GAPVD1: variants seen among roughly 807,000 people sequenced by gnomAD.
GAPVD1 encodes the protein GTPase-activating protein and VPS9 domain-containing protein 1.
GAPVD1 carries 35 observed loss-of-function variants against 155.5 expected under a neutral mutation model. The observed-to-expected ratio is 0.23, with a 90% confidence interval of 0.17 to 0.30. The LOEUF is 0.30. GAPVD1 is among the 10% of genes least tolerant of loss of function. The pLI is 1.00. For synonymous variants in GAPVD1, 636 were observed against 619.7 expected (o/e 1.03, Z -0.39); for missense variants, 1,429 against 1,775.7 (o/e 0.80, Z 3.51).
chr9:125,300,512 T>A lies in GAPVD1; in HGVS notation c.185+1406T>A, dbSNP rs1840698516. On this transcript the variant is annotated intron_variant, in intron 4 of 27. Coordinates refer to ENST00000297933, the MANE Select transcript of GAPVD1 (RefSeq NM_001282680.3). ...TTTTTAACTCTAAGAATATCAGTGC[T>A]GTTGAGAATATAAGCCAGATGCAAA... is the stretch of plus-strand genomic sequence containing the variant. Among the ~76,000 whole-genome samples the A allele has an allele frequency of 1.3e-5, 2 of 151,962 alleles. 1 individual carries two copies. Among genetic ancestry groups the A allele is most frequent in the South Asian group, 4.2e-4 (2 of 4,818 alleles).
chr9:125,350,247 G>T, intron 21 of GAPVD1, 48 bp from the exon 22 acceptor site: 1 of 1,049,088 alleles, frequency 9.5e-7, no homozygotes, highest in South Asian at 1.4e-5. Context: ...TGTAAAATGT[G>T]ACCATATCTG....
At chr9:125,306,751 C>T (rs1351644184) in intron 6 of GAPVD1, among the ~76,000 whole-genome samples, 3 of 152,200 alleles carry the variant, frequency 2.0e-5, no homozygotes, top group African/African-American at 7.2e-5. Context: ...CCTTGGCCTC[C>T]CAAAGTGCTG....
chr9:125,302,268 T>C lies in GAPVD1; in HGVS notation c.471T>C (p.Ile157=). The C allele has an allele frequency of 6.2e-7, 1 of 1,614,162 alleles. No homozygotes were observed. Among genetic ancestry groups the C allele is most frequent in the South Asian group, 1.1e-5 (1 of 91,082 alleles). The change falls in exon 5 of 28, where the codon ATT becomes ATC. Residue 157 remains isoleucine, a synonymous_variant. Transcript: ENST00000297933. ...SYLLQVLRYL[I]EFELKESDNP... ...TCCTTCAGGTTTTGCGATACTTGAT[T>C]GAATTTGAACTTAAAGAAAGTGACA...
chr9:125,332,411 C>T, intron 14 of GAPVD1, 99 bp from the exon 15 acceptor site: 1 of 984,096 alleles, frequency 1.0e-6, no homozygotes, highest in Non-Finnish European at 1.5e-6. Context: ...AACTGGGACA[C>T]AAAATTCGAG....
In GAPVD1 at chr9:125,324,924, C is replaced by T. The variant is rs183591687; in HGVS notation, c.1858+1001C>T. 3.3e-5 allele frequency among the ~76,000 whole-genome samples: 5 copies of T among 151,962 alleles called. No individual in the cohort carries two copies. The East Asian group carries it at 7.8e-4, about 24-fold the overall frequency. On this transcript the variant is annotated intron_variant, in intron 11 of 27. Transcript: ENST00000297933. ...GTTGAAAGAGTTTTTTGGATTTGTT[C>T]ATTTAAGATGATGCCCTTGGCCAGG...
chr9:125,271,369 A>G (rs1834892823), intron 2 of GAPVD1, among the ~76,000 whole-genome samples: 1 of 149,946 alleles, frequency 6.7e-6, no homozygotes, highest in South Asian at 2.1e-4. Context: ...GTTGTTATTT[A>G]TTTTCTGTGA....
rs535809289 is a variant in GAPVD1, at chr9:125,310,728, G to A, written c.1442-1724G>A. 4.5e-4 allele frequency among the ~76,000 whole-genome samples: 68 copies of A among 150,680 alleles called. 1 individual carries two copies. The highest frequency in any genetic ancestry group is 1.6e-3 in the African/African-American group (64 of 41,168). ...TAATTTTGTATTTTTAGTAGAGATG[G>A]GTTTTCTCCATGTTGGTCAGGCTGG... On this transcript the variant is annotated intron_variant, in intron 8 of 27. Coordinates refer to ENST00000297933, the MANE Select transcript of GAPVD1 (RefSeq NM_001282680.3).
At chr9:125,337,868 G>A (rs1847261202) in intron 17 of GAPVD1, among the ~76,000 whole-genome samples, 1 of 152,146 alleles carries the variant, frequency 6.6e-6, no homozygotes, top group Non-Finnish European at 1.5e-5. Context: ...TTTCTGAGAT[G>A]TTAGATGAGT....
intron 15 of GAPVD1, among the ~76,000 whole-genome samples, chr9:125,333,246 A>T (rs1485428756): frequency 6.6e-6 from 1 of 151,566 alleles, no homozygotes; most frequent in East Asian, 1.9e-4. Flanking sequence ...ACGCCCAGCT[A>T]ATTTTTCTAT....
chr9:125,336,673 G>T, intron 15 of GAPVD1: 1 of 216,818 alleles, frequency 4.6e-6, no homozygotes, highest in South Asian at 6.9e-5. Flanking sequence ...CAGGTGAGGG[G>T]AAGGCGAGGC....
chr9:125,361,259 G>A (rs1421545269), intron 27 of GAPVD1, among the ~76,000 whole-genome samples: 4 of 152,100 alleles, frequency 2.6e-5, no homozygotes, highest in Non-Finnish European at 4.4e-5. Flanking sequence ...CAGTGCCTAG[G>A]TTGGGCGCGG....
chr9:125,292,892 C>A (rs1056173220), intron 2 of GAPVD1, among the ~76,000 whole-genome samples: 1 of 152,124 alleles, frequency 6.6e-6, no homozygotes, highest in Non-Finnish European at 1.5e-5. Flanking sequence ...TATTCTGGCA[C>A]TATTGGGAAA....
intron 3 of GAPVD1, among the ~76,000 whole-genome samples, chr9:125,298,481 A>ATTTTTT (rs34644117): frequency 5.6e-5 from 5 of 89,246 alleles, no homozygotes; most frequent in African/African-American, 1.4e-4. Flanking sequence ...ATGTAACCTA[A>ATTTTTT]TTTTTTTTTT....
rs758509315 is a variant in GAPVD1 at position 125,307,453 on chromosome 9, G to A, written c.1157G>A (p.Arg386His). The change falls in exon 7 of 28, where the codon CGT becomes CAT. Residue 386 changes from arginine to histidine, a missense_variant. By Grantham distance (29) the Arg-to-His change is conservative (BLOSUM62 0). Coordinates refer to ENST00000297933, the MANE Select transcript of GAPVD1 (RefSeq NM_001282680.3). ...TTCCTTGATGTTGTGATTGGGGGCCGTGCAGTGGAGACCCCTCCATTGTCT... is the reference window on the plus strand; with the variant it reads ...TTCCTTGATGTTGTGATTGGGGGCCATGCAGTGGAGACCCCTCCATTGTCT... ...AAFLDVVIGG[R>H]AVETPPLSSV... 12 of 1,609,410 alleles carry A rather than the reference G, an allele frequency of 7.5e-6. No homozygotes were observed. The highest frequency in any genetic ancestry group is 5.5e-5 in the South Asian group (5 of 90,844).
intron 2 of GAPVD1, among the ~76,000 whole-genome samples, chr9:125,277,894 C>T (rs998061637): frequency 6.6e-6 from 1 of 152,088 alleles, no homozygotes. Context: ...TCTTGAACTA[C>T]TGTACTCAAG....
At chr9:125,340,084 G>A (rs34537196) in intron 17 of GAPVD1, among the ~76,000 whole-genome samples, 8 of 152,098 alleles carry the variant, frequency 5.3e-5, no homozygotes, top group Non-Finnish European at 2.9e-5. Context: ...GCAGTGGTGC[G>A]ATCTCGGGTC....
At chr9:125,270,352 C>T (rs895443901) in intron 2 of GAPVD1, among the ~76,000 whole-genome samples, 1 of 151,856 alleles carries the variant, frequency 6.6e-6, no homozygotes, top group Non-Finnish European at 1.5e-5. Flanking sequence ...TTGCTTGAAC[C>T]TGGGAGGCAG....
chr9:125,300,056 T>A (rs866916923), intron 4 of GAPVD1, among the ~76,000 whole-genome samples: 2,666 of 9,308 alleles, frequency 0.29, 940 homozygotes, highest in Non-Finnish European at 0.36. Context: ...TATATATATA[T>A]ATATATATAT....
intron 9 of GAPVD1, among the ~76,000 whole-genome samples, chr9:125,315,803 A>G (rs898333117): frequency 6.6e-6 from 1 of 152,056 alleles, no homozygotes; most frequent in Non-Finnish European, 1.5e-5. Context: ...TGGGGAATCT[A>G]CCAGGTTGTA....
Sources: allele counts gnomAD v4.1 joint callset (sites outside exome capture counted in the v4.1 genomes callset), GRCh38; gene constraint gnomAD v4.1.1; transcripts MANE v1.5; gene names NCBI Gene and HGNC (gene_info 2026-07-23, HGNC 2026-07-21).